Variants in ZFAND3 observed in about 807,000 individuals in gnomAD.
ZFAND3 encodes zinc finger AN1-type containing 3, also known as AN1-type zinc finger protein 3.
A neutral mutation model predicts 29.6 loss-of-function variants in ZFAND3; 10 were observed. That is an observed-to-expected ratio of 0.34 (90% CI 0.21 to 0.57). The LOEUF is 0.57. Among genes scored for constraint, ZFAND3 ranks in the 20% least tolerant of loss-of-function variants. The pLI is 0.86. For synonymous variants in ZFAND3, 128 were observed against 112.6 expected (o/e 1.14, Z -0.87); for missense variants, 230 against 304.5 (o/e 0.76, Z 1.82).
intron 2 of ZFAND3, among the ~76,000 whole-genome samples, chr6:38,025,707 T>TA (rs1763434429): frequency 6.6e-6 from 1 of 152,202 alleles, no homozygotes; most frequent in African/African-American, 2.4e-5. Flanking sequence ...GAAGCACTGA[T>TA]ACATGCCACA....
At chr6:37,969,250 T>G (rs548917218) in intron 2 of ZFAND3, among the ~76,000 whole-genome samples, 2 of 152,318 alleles carry the variant, frequency 1.3e-5, no homozygotes, top group African/African-American at 4.8e-5. Flanking sequence ...GTTTATGCTA[T>G]TTGGAGTATT....
chr6:38,114,133 G>C (rs1391135672), intron 4 of ZFAND3, among the ~76,000 whole-genome samples: 1 of 152,156 alleles, frequency 6.6e-6, no homozygotes, highest in African/African-American at 2.4e-5. Flanking sequence ...CTATAAGGAT[G>C]CTTTGAATTT....
At chr6:37,851,021 G>A (rs2127379078) in intron 1 of ZFAND3, among the ~76,000 whole-genome samples, 1 of 148,356 alleles carries the variant, frequency 6.7e-6, no homozygotes, top group East Asian at 2.0e-4. Context: ...GTGAGCCTCT[G>A]CTTCCTGCTT....
chr6:38,093,049 A>G (rs1426843068), intron 4 of ZFAND3, among the ~76,000 whole-genome samples: 1 of 152,242 alleles, frequency 6.6e-6, no homozygotes, highest in Non-Finnish European at 1.5e-5. Flanking sequence ...TATAAGCTAC[A>G]TAAACTAAGA....
intron 2 of ZFAND3, among the ~76,000 whole-genome samples, chr6:37,993,770 A>G (rs746447885): frequency 8.5e-5 from 13 of 152,136 alleles, no homozygotes; most frequent in South Asian, 4.1e-4. Flanking sequence ...GAAATATTTC[A>G]TAGCTTGCCT....
intron 2 of ZFAND3, among the ~76,000 whole-genome samples, chr6:38,058,052 G>T (rs779082804): frequency 3.9e-5 from 6 of 152,192 alleles, no homozygotes; most frequent in Non-Finnish European, 8.8e-5. Flanking sequence ...TGAACTGCCA[G>T]TTCACAAAAG....
chr6:38,102,759 T>C (rs938497588), intron 4 of ZFAND3, among the ~76,000 whole-genome samples: 3 of 152,126 alleles, frequency 2.0e-5, no homozygotes, highest in Admixed American at 2.0e-4. Flanking sequence ...AGTTTAACTT[T>C]TTTGTTTGTT....
chr6:37,825,439 T>G (rs1763741412), intron 1 of ZFAND3, among the ~76,000 whole-genome samples: 1 of 152,230 alleles, frequency 6.6e-6, no homozygotes, highest in African/African-American at 2.4e-5. Flanking sequence ...TTTATCTGCT[T>G]GCCCTATTTT....
intron 2 of ZFAND3, among the ~76,000 whole-genome samples, chr6:37,985,531 C>A (rs9470743): frequency 6.4e-4 from 70 of 109,086 alleles, no homozygotes; most frequent in Middle Eastern, 5.0e-3. Context: ...ACACACACCC[C>A]CACACACGCC....
chr6:38,115,081 G>A (rs1765390920), intron 4 of ZFAND3, among the ~76,000 whole-genome samples: 1 of 152,002 alleles, frequency 6.6e-6, no homozygotes, highest in African/African-American at 2.4e-5. Flanking sequence ...AAGAAAATGT[G>A]ACGTTGGAGC....
chr6:37,841,982 G>T (rs1764085426), intron 1 of ZFAND3, among the ~76,000 whole-genome samples: 1 of 152,188 alleles, frequency 6.6e-6, no homozygotes, highest in Admixed American at 6.5e-5. Context: ...GGCAGATTCA[G>T]TGTCCGATGA....
intron 1 of ZFAND3, among the ~76,000 whole-genome samples, chr6:37,897,362 G>C (rs926098171): frequency 1.3e-5 from 2 of 152,158 alleles, no homozygotes; most frequent in African/African-American, 4.8e-5. Context: ...TGTTGCTTAT[G>C]GTAGTAATTC....
intron 5 of ZFAND3, among the ~76,000 whole-genome samples, chr6:38,118,976 G>A (rs1055473744): frequency 1.6e-4 from 25 of 152,082 alleles, no homozygotes; most frequent in African/African-American, 5.8e-4. Context: ...GCCCAATTCC[G>A]AAAGTCTGCT....
At chr6:37,964,862 G>A (rs1240637204) in intron 2 of ZFAND3, among the ~76,000 whole-genome samples, 3 of 152,158 alleles carry the variant, frequency 2.0e-5, no homozygotes, top group African/African-American at 7.2e-5. Context: ...TCTCTGAGCC[G>A]TAGTTTTCTC....
intron 1 of ZFAND3, among the ~76,000 whole-genome samples, chr6:37,879,560 A>T (rs1333487276): frequency 6.6e-6 from 1 of 152,164 alleles, no homozygotes; most frequent in Non-Finnish European, 1.5e-5. Flanking sequence ...AACCCAATTA[A>T]ATGAGTTAAC....
chr6:37,915,795 G>C (rs148314112), intron 1 of ZFAND3: 2 of 152,276 alleles, frequency 1.3e-5, no homozygotes, highest in African/African-American at 4.8e-5. Context: ...TTCAGACGGA[G>C]CTTCACTCTT....
At chr6:38,103,352 A>G (rs768979473) in intron 4 of ZFAND3, among the ~76,000 whole-genome samples, 1,254 of 120,016 alleles carry the variant, frequency 0.01, 20 homozygotes, top group African/African-American at 0.033. Context: ...GTGTATGTAT[A>G]TATATATATA....
At chr6:38,151,328 C>T (rs73734314) in intron 5 of ZFAND3, among the ~76,000 whole-genome samples, 3,201 of 152,326 alleles carry the variant, frequency 0.021, 91 homozygotes, top group African/African-American at 0.072. Flanking sequence ...TTGGATTTCT[C>T]TGCTTCAAAA....
intron 2 of ZFAND3, among the ~76,000 whole-genome samples, chr6:38,043,069 A>G (rs1257703650): frequency 1.3e-5 from 2 of 152,196 alleles, no homozygotes; most frequent in Non-Finnish European, 2.9e-5. Flanking sequence ...TTGTGATCTA[A>G]TATACACATA....
Sources: gnomAD v4.1 joint callset for allele counts (sites outside exome capture counted in the v4.1 genomes callset) on GRCh38, gnomAD v4.1.1 for gene constraint, MANE v1.5 for transcripts, NCBI Gene and HGNC (gene_info 2026-07-23, HGNC 2026-07-21) for gene names.